NTN1: variants seen among roughly 807,000 people sequenced by gnomAD.
The protein encoded by NTN1 is netrin-1.
In NTN1, 11 loss-of-function variants were observed where a neutral mutation model predicts 54.2. The observed-to-expected ratio is 0.20, with a 90% CI of 0.13 to 0.34. NTN1 has a LOEUF of 0.34. Among genes scored for constraint, NTN1 ranks in the 10% least tolerant of loss-of-function variants. NTN1 has a pLI of 1.00. For synonymous variants in NTN1, 371 were observed against 382.0 expected (o/e 0.97, Z 0.33); for missense variants, 740 against 893.1 (o/e 0.83, Z 2.18).
rs193182279 is a variant in NTN1 at position 9,215,622 on chromosome 17, G to A, written c.1412-5546G>A. On this transcript the variant is annotated intron_variant, in intron 5 of 6. Transcript: ENST00000173229. ...TTTTTTCTTTATTGTGGCCTATATA[G>A]TATAAGACAGTCTAGCTAGGTATAA... Among the ~76,000 whole-genome samples the A allele has an allele frequency of 2.3e-4, 35 of 152,294 alleles. No homozygotes were observed. In the East Asian group the frequency reaches 6.7e-3, roughly 29 times the overall value.
At chr17:9,049,886 A>G (rs1462827899) in intron 2 of NTN1, among the ~76,000 whole-genome samples, 2 of 152,238 alleles carry the variant, frequency 1.3e-5, no homozygotes, top group Non-Finnish European at 2.9e-5. Flanking sequence ...CTGAATGAAG[A>G]GTTCACAGAA....
At chr17:9,159,581 C>T (rs1012916525) in intron 2 of NTN1, among the ~76,000 whole-genome samples, 1 of 152,088 alleles carries the variant, frequency 6.6e-6, no homozygotes, top group African/African-American at 2.4e-5. Flanking sequence ...GTGGGTGGAT[C>T]ACGAGGTCAG....
chr17:9,151,565 T>G (rs1354572143), intron 2 of NTN1, among the ~76,000 whole-genome samples: 1 of 151,008 alleles, frequency 6.6e-6, no homozygotes, highest in East Asian at 2.0e-4. Flanking sequence ...CAGGTGGTGG[T>G]GGGGAGGGGG....
chr17:9,026,568 C>T (rs2091871811), intron 2 of NTN1, among the ~76,000 whole-genome samples: 1 of 152,142 alleles, frequency 6.6e-6, no homozygotes, highest in African/African-American at 2.4e-5. Flanking sequence ...AAGAAGTACC[C>T]ATGCATGGTG....
upstream of NTN1, among the ~76,000 whole-genome samples, chr17:9,019,813 C>G (rs1328203099): frequency 6.6e-6 from 1 of 152,182 alleles, no homozygotes; most frequent in Non-Finnish European, 1.5e-5. Context: ...CATTTATTTC[C>G]TTTGACCTCA....
chr17:9,106,548 C>G (rs886287445), intron 2 of NTN1, among the ~76,000 whole-genome samples: 1 of 150,120 alleles, frequency 6.7e-6, no homozygotes, highest in Non-Finnish European at 1.5e-5. Context: ...GAGTCTCGCT[C>G]TGTCACCCAG....
At chr17:9,072,070 A>G (rs1016788023) in intron 2 of NTN1, among the ~76,000 whole-genome samples, 2 of 152,080 alleles carry the variant, frequency 1.3e-5, no homozygotes, top group African/African-American at 4.8e-5. Context: ...TGGGAGTAGG[A>G]TCTCTGCCCT....
rs1219086368 is a variant in NTN1 at position 9,211,094 on chromosome 17, C to T, written c.1412-10074C>T. 1.3e-5 allele frequency among the ~76,000 whole-genome samples: 2 copies of T among 152,134 alleles called. No individual in the cohort carries two copies. Among genetic ancestry groups the T allele is most frequent in the African/African-American group, 4.8e-5 (2 of 41,422 alleles). ...AACATTTCTGGCACATGCTATTCTTCTAGAATAAAATCCAAACCCCTGCCA... is the reference window on the plus strand; with the variant it reads ...AACATTTCTGGCACATGCTATTCTTTTAGAATAAAATCCAAACCCCTGCCA... On this transcript the variant is annotated intron_variant, in intron 5 of 6. Coordinates refer to ENST00000173229, the MANE Select transcript of NTN1 (RefSeq NM_004822.3). The surrounding 1 kb of genome is among the most constrained non-coding windows in gnomAD (Gnocchi z 4.4).
At chr17:9,145,944 G>A (rs1387788367) in intron 2 of NTN1, among the ~76,000 whole-genome samples, 2 of 151,142 alleles carry the variant, frequency 1.3e-5, no homozygotes, top group Non-Finnish European at 2.9e-5. Flanking sequence ...AAAAAAGTGT[G>A]GGGTATTTAG....
chr17:9,202,723 G>A (rs374734838), intron 5 of NTN1, among the ~76,000 whole-genome samples: 1 of 151,994 alleles, frequency 6.6e-6, no homozygotes, highest in East Asian at 1.9e-4. Context: ...CAACTTTTTT[G>A]CCTTATTAAG....
In NTN1 at chr17:9,022,646, C is replaced by T. The variant is rs1425588516; in HGVS notation, c.273C>T (p.Cys91=). The T allele has an allele frequency of 1.3e-6, 2 of 1,562,212 alleles. No homozygotes were observed. Among genetic ancestry groups the T allele is most frequent in the South Asian group, 1.2e-5 (1 of 85,434 alleles). The change falls in exon 2 of 7, where the codon TGC becomes TGT. Residue 91 remains cysteine, a synonymous_variant. Coordinates refer to ENST00000173229, the MANE Select transcript of NTN1 (RefSeq NM_004822.3). ...GCGGCGAGGAGCGGCTGCGCTCGTG[C>T]CACCTCTGCAACGCGTCCGACCCCA... ...SERGEERLRS[C]HLCNASDPKK... is the part of the protein sequence containing the mutation.
At chr17:9,013,736 G>A in the NTN1 span, among the ~76,000 whole-genome samples, 9 of 152,226 alleles carry the variant, frequency 5.9e-5, no homozygotes, top group East Asian at 3.9e-4. Context: ...CTGTGTAACC[G>A]GTAAACAAGC....
chr17:9,233,268 G>A (rs534023043), intron 6 of NTN1, among the ~76,000 whole-genome samples: 8 of 152,214 alleles, frequency 5.3e-5, no homozygotes, highest in Admixed American at 2.0e-4. Context: ...TCTGTGCTGC[G>A]GCCACTCCCC....
intron 2 of NTN1, among the ~76,000 whole-genome samples, chr17:9,131,560 G>C (rs7211163): frequency 6.6e-6 from 1 of 150,914 alleles, no homozygotes; most frequent in Non-Finnish European, 1.5e-5. Context: ...TCTGTGTTTC[G>C]GCCATGGTAT....
intron 2 of NTN1, among the ~76,000 whole-genome samples, chr17:9,036,569 T>C (rs2091904293): frequency 6.6e-6 from 1 of 151,866 alleles, no homozygotes; most frequent in African/African-American, 2.4e-5. Context: ...CTGCCACTTA[T>C]CTTTAATCTG....
rs190077229 is a variant in NTN1, at chr17:9,052,370, C to T, written c.1018+28979C>T. Among the ~76,000 whole-genome samples the T allele has an allele frequency of 1.1e-3, 168 of 152,244 alleles. 1 individual carries two copies. The highest frequency in any genetic ancestry group is 3.5e-3 in the African/African-American group (147 of 41,548). On this transcript the variant is annotated intron_variant, in intron 2 of 6. Coordinates refer to ENST00000173229, the MANE Select transcript of NTN1 (RefSeq NM_004822.3). ...GTTATATGTGCTTTCCCTATGACCC[C>T]GGCAGGTCCACCTCTCAGTACCCAC...
upstream of NTN1, among the ~76,000 whole-genome samples, chr17:9,017,842 G>A (rs546579853): frequency 6.6e-6 from 1 of 152,298 alleles, no homozygotes; most frequent in East Asian, 1.9e-4. Flanking sequence ...CAACAGACAG[G>A]CTGCGTTAGG....
At chr17:9,022,249 C>A (rs186378695) in intron 1 of NTN1, 62 bp from the exon 2 acceptor site, 1 of 1,096,476 alleles carries the variant, frequency 9.1e-7, no homozygotes, top group Non-Finnish European at 1.2e-6. Context: ...CCGCTCGCCA[C>A]CCCGCCGAGA....
chr17:9,140,101 T>C (rs2092293331), intron 2 of NTN1, among the ~76,000 whole-genome samples: 1 of 152,218 alleles, frequency 6.6e-6, no homozygotes, highest in Non-Finnish European at 1.5e-5. Flanking sequence ...AGTTGTTAGC[T>C]GCAGTTTAAT....
Sources: gnomAD v4.1 joint callset for allele counts (sites outside exome capture counted in the v4.1 genomes callset) on GRCh38, gnomAD v4.1.1 for gene constraint, Gnocchi (gnomAD v3.1) non-coding constraint, MANE v1.5 for transcripts, NCBI Gene and HGNC (gene_info 2026-07-23, HGNC 2026-07-21) for gene names.